The following ADAMTS12 variants were observed in gnomAD, a reference collection of about 807,000 sequenced individuals.
ADAMTS12 encodes the protein ADAM metallopeptidase with thrombospondin type 1 motif 12.
A neutral mutation model predicts 167.8 loss-of-function variants in ADAMTS12; 118 were observed. That is an observed-to-expected ratio of 0.70 (90% CI 0.61 to 0.82). ADAMTS12 has a LOEUF of 0.82. Ranked by LOEUF, ADAMTS12 falls within the 40% of genes least tolerant of loss-of-function variation. The pLI is 0.00. For synonymous variants in ADAMTS12, 704 were observed against 716.9 expected, an observed-to-expected ratio of 0.98 and a Z score of 0.29; for missense variants, 1,916 against 1,998.8, an observed-to-expected ratio of 0.96 and a Z score of 0.79.
At chr5:33,607,608 C>T (rs1184455903) in intron 16 of ADAMTS12, among the ~76,000 whole-genome samples, 1 of 152,050 alleles carries the variant, frequency 6.6e-6, no homozygotes, top group Non-Finnish European at 1.5e-5. Flanking sequence ...GGCTGTATGG[C>T]CGTTTTAATG....
chr5:33,888,412 A>G (rs1750717555), intron 1 of ADAMTS12, among the ~76,000 whole-genome samples: 1 of 152,240 alleles, frequency 6.6e-6, no homozygotes, highest in Non-Finnish European at 1.5e-5. Context: ...GGATTTGCTC[A>G]TAAACTTTAT....
intron 21 of ADAMTS12, among the ~76,000 whole-genome samples, chr5:33,547,583 C>T (rs1745042786): frequency 6.6e-6 from 1 of 152,064 alleles, no homozygotes; most frequent in African/African-American, 2.4e-5. Flanking sequence ...GCTCCGGGTA[C>T]TCAACTGACT....
chr5:33,835,759 C>A (rs1214666485), intron 2 of ADAMTS12, among the ~76,000 whole-genome samples: 1 of 152,048 alleles, frequency 6.6e-6, no homozygotes, highest in Non-Finnish European at 1.5e-5. Context: ...ACATACAGAC[C>A]GTAGCAATTA....
chr5:33,570,051 G>T (rs1041370366), intron 19 of ADAMTS12, among the ~76,000 whole-genome samples: 8 of 152,114 alleles, frequency 5.3e-5, no homozygotes, highest in African/African-American at 9.7e-5. Context: ...AGAGAAAAAA[G>T]AATAAAAAGG....
chr5:33,883,818 C>T (rs1392824256), intron 1 of ADAMTS12, among the ~76,000 whole-genome samples: 6 of 152,162 alleles, frequency 3.9e-5, no homozygotes, highest in Non-Finnish European at 7.4e-5. Flanking sequence ...GTATAACTGA[C>T]TCAGTCCTCT....
At chr5:33,696,530 T>C (rs1366859716) in intron 3 of ADAMTS12, among the ~76,000 whole-genome samples, 1 of 151,940 alleles carries the variant, frequency 6.6e-6, no homozygotes, top group East Asian at 1.9e-4. Flanking sequence ...AAATTGAAAA[T>C]TCTTTTCCGG....
intron 5 of ADAMTS12, among the ~76,000 whole-genome samples, chr5:33,677,912 T>A (rs1023371058): frequency 1.3e-5 from 2 of 152,192 alleles, no homozygotes; most frequent in African/African-American, 4.8e-5. Context: ...CAAAATGTGA[T>A]GAAACCCCAT....
chr5:33,588,959 G>A, intron 17 of ADAMTS12, 150 bp from the exon 18 acceptor site: 1 of 908,776 alleles, frequency 1.1e-6, no homozygotes, highest in Admixed American at 2.6e-5. Flanking sequence ...GCTGCAGACA[G>A]GGCCACCGTG....
chr5:33,890,962 AC>A (rs1432394758), intron 1 of ADAMTS12, among the ~76,000 whole-genome samples: 1 of 151,932 alleles, frequency 6.6e-6, no homozygotes. Context: ...AGGACTGTTT[AC>A]CCCCAGAGGT....
chr5:33,648,496 C>T (rs2112189708), intron 9 of ADAMTS12, among the ~76,000 whole-genome samples: 1 of 152,272 alleles, frequency 6.6e-6, no homozygotes, highest in Admixed American at 6.5e-5. Context: ...ATGTGAAATT[C>T]AAGAAAGGGA....
chr5:33,753,573 C>T (rs1745073567), intron 2 of ADAMTS12, among the ~76,000 whole-genome samples: 1 of 152,092 alleles, frequency 6.6e-6, no homozygotes, highest in Non-Finnish European at 1.5e-5. Context: ...CTGCTATCAG[C>T]CCAATACTGA....
intron 2 of ADAMTS12, among the ~76,000 whole-genome samples, chr5:33,829,339 T>C (rs1364476662): frequency 6.6e-6 from 1 of 152,188 alleles, no homozygotes; most frequent in Non-Finnish European, 1.5e-5. Context: ...GACCTTTCAC[T>C]GCATACTCTA....
chr5:33,622,320 A>T (rs1404510426), intron 14 of ADAMTS12, among the ~76,000 whole-genome samples: 1 of 152,192 alleles, frequency 6.6e-6, no homozygotes, highest in Non-Finnish European at 1.5e-5. Context: ...TTAGAAGAAC[A>T]GCACCTCAGA....
At chr5:33,630,984 C>T (rs1252097288) in intron 12 of ADAMTS12, 71 bp from the exon 13 acceptor site, 28 of 1,567,182 alleles carry the variant, frequency 1.8e-5, no homozygotes, top group African/African-American at 2.7e-5. Flanking sequence ...AGGATTCCTC[C>T]GTACTTAGGA....
At chr5:33,861,148 C>T (rs3110998) in intron 2 of ADAMTS12, among the ~76,000 whole-genome samples, 4,502 of 152,232 alleles carry the variant, frequency 0.03, 188 homozygotes, top group East Asian at 0.2. Flanking sequence ...AATCAGCTAA[C>T]GCCATAATGA....
In ADAMTS12 at chr5:33,611,944, A is replaced by G. The variant is rs563990234; in HGVS notation, c.2527+2294T>C. Among the ~76,000 whole-genome samples, 3 of 152,284 alleles carry G rather than the reference A, an allele frequency of 2.0e-5. No homozygotes were observed. The East Asian group carries it at 5.8e-4, about 29-fold the overall frequency. ...AAGTGCATGTGTTAGAGTGGTGACA[A>G]TTTTTCATGTTTCAGTAATGTGTTT... On this transcript the variant is annotated intron_variant, in intron 16 of 23. Coordinates refer to ENST00000504830, the MANE Select transcript of ADAMTS12 (RefSeq NM_030955.4).
chr5:33,650,696 G>A (rs528474986), intron 7 of ADAMTS12, among the ~76,000 whole-genome samples: 19 of 152,286 alleles, frequency 1.2e-4, no homozygotes, highest in East Asian at 3.9e-4. Flanking sequence ...ACCATGGCAC[G>A]AGGGTGCCTA....
chr5:33,801,538 C>T (rs1203883253), intron 2 of ADAMTS12, among the ~76,000 whole-genome samples: 1 of 152,212 alleles, frequency 6.6e-6, no homozygotes, highest in Non-Finnish European at 1.5e-5. Flanking sequence ...CTGAATCTTT[C>T]CCAAACAGGT....
Position 33,661,941 on chromosome 5 carries a change from G to C in ADAMTS12, c.1015C>G (p.His339Asp), listed in dbSNP as rs781712268. The C allele has an allele frequency of 6.2e-7, 1 of 1,613,438 alleles. No homozygotes were observed. Among genetic ancestry groups the C allele is most frequent in the Non-Finnish European group, 8.5e-7 (1 of 1,179,588 alleles). Residue 339 changes from histidine (H) to aspartate (D), a missense_variant, in exon 6 of 24, where the codon CAC (histidine) becomes GAC (aspartate). Coordinates refer to ENST00000504830, the MANE Select transcript of ADAMTS12 (RefSeq NM_030955.4). ...NPKSDLNPVH[H>D]DVAVLLTRKD... Reference sequence around the variant, plus strand: ...CTGGTGAGAAGGACAGCCACGTCGTGATGAACAGGATTGAGGTCACTCTTG... The same window carrying C: ...CTGGTGAGAAGGACAGCCACGTCGTCATGAACAGGATTGAGGTCACTCTTG...
Sources: gnomAD v4.1 joint callset for allele counts (sites outside exome capture counted in the v4.1 genomes callset) on GRCh38, gnomAD v4.1.1 for gene constraint, MANE v1.5 for transcripts, NCBI Gene and HGNC (gene_info 2026-07-23, HGNC 2026-07-21) for gene names.